Variants in SSBP2 observed in about 807,000 individuals in gnomAD.
SSBP2 encodes single-stranded DNA-binding protein 2.
A neutral mutation model predicts 61.8 loss-of-function variants in SSBP2; 17 were observed. That is an observed-to-expected ratio of 0.28 (90% CI 0.19 to 0.41). The LOEUF is 0.41. Ranked by LOEUF, SSBP2 falls within the 10% of genes least tolerant of loss-of-function variation. The pLI is 1.00. For synonymous variants in SSBP2, 139 were observed against 141.3 expected (o/e 0.98, Z 0.12); for missense variants, 310 against 458.7 (o/e 0.68, Z 2.96).
chr5:81,610,099 C>G (rs558037733), intron 4 of SSBP2, among the ~76,000 whole-genome samples: 1 of 152,142 alleles, frequency 6.6e-6, no homozygotes, highest in Non-Finnish European at 1.5e-5. Flanking sequence ...ATAACACAGT[C>G]GGGCTGGGGC....
chr5:81,562,500 A>C lies in SSBP2; in HGVS notation c.283-48783T>G, dbSNP rs564736852. Among the ~76,000 whole-genome samples, 3 of 152,296 alleles carry C rather than the reference A, an allele frequency of 2.0e-5. No individual in the cohort carries two copies. In the East Asian group the frequency reaches 5.8e-4, roughly 29 times the overall value. ...CAACCAAACAGAAATCAAAACAAAC[A>C]AACCATAAGAACAATCGATACAATG... On this transcript the variant is annotated intron_variant, in intron 4 of 16. Transcript: ENST00000320672.
intron 16 of SSBP2, among the ~76,000 whole-genome samples, chr5:81,422,409 A>T (rs925648568): frequency 2.6e-5 from 4 of 152,180 alleles, no homozygotes; most frequent in African/African-American, 9.6e-5. Context: ...TTAGGGCTCA[A>T]ACCAAAAACA....
chr5:81,658,527 T>C (rs1473740754), intron 1 of SSBP2, among the ~76,000 whole-genome samples: 1 of 152,188 alleles, frequency 6.6e-6, no homozygotes, highest in Non-Finnish European at 1.5e-5. Context: ...ACAATGTAAA[T>C]GCTATACAGT....
rs1761422313 is a variant in SSBP2, at chr5:81,418,618, A to G, written c.*1886T>C. ...ATAGAGTGTACTTACACAAACCTAG[A>G]TGGTATAGGCTCCTACACACCTAGG... On this transcript the variant is annotated 3_prime_UTR_variant, in exon 17 of 17. Coordinates refer to ENST00000320672, the MANE Select transcript of SSBP2 (RefSeq NM_012446.5). The G allele has an allele frequency of 6.6e-6, 1 of 152,168 alleles. No homozygotes were observed. Among genetic ancestry groups the G allele is most frequent in the Non-Finnish European group, 1.5e-5 (1 of 68,020 alleles). The allele number at this position is 152,168 out of a possible 1,614,324, so 9.4% of individuals were successfully genotyped here. A position where few individuals can be genotyped will look rare whatever the true frequency, so the allele number is the denominator to read the frequency against.
intron 6 of SSBP2, among the ~76,000 whole-genome samples, chr5:81,485,432 G>A (rs1453979049): frequency 1.3e-5 from 2 of 152,022 alleles, no homozygotes; most frequent in South Asian, 2.1e-4. Context: ...CCATAAAAAT[G>A]GTTTCAGGGG....
chr5:81,695,822 T>C (rs1218878893), intron 1 of SSBP2, among the ~76,000 whole-genome samples: 1 of 152,116 alleles, frequency 6.6e-6, no homozygotes, highest in Non-Finnish European at 1.5e-5. Context: ...CTTCTCTCTT[T>C]AAGGAATTTT....
intron 1 of SSBP2, among the ~76,000 whole-genome samples, chr5:81,684,613 T>G (rs1244452646): frequency 6.6e-6 from 1 of 152,076 alleles, no homozygotes; most frequent in Non-Finnish European, 1.5e-5. Context: ...CCCTACTGGG[T>G]TTTATACATG....
intron 4 of SSBP2, among the ~76,000 whole-genome samples, chr5:81,585,207 C>A (rs1196919605): frequency 6.6e-6 from 1 of 151,998 alleles, no homozygotes; most frequent in Non-Finnish European, 1.5e-5. Flanking sequence ...CATACTCAAT[C>A]CTCCCTTAGT....
intron 4 of SSBP2, among the ~76,000 whole-genome samples, chr5:81,612,216 A>G (rs1745521650): frequency 6.6e-6 from 1 of 152,156 alleles, no homozygotes; most frequent in Admixed American, 6.5e-5. Flanking sequence ...AATTACAACT[A>G]TTCAGTTTAT....
At chr5:81,653,215 G>C (rs1749907296) in intron 1 of SSBP2, among the ~76,000 whole-genome samples, 2 of 152,022 alleles carry the variant, frequency 1.3e-5, no homozygotes, top group African/African-American at 2.4e-5. Flanking sequence ...TTCTGTTCCT[G>C]TGTTAGTTTG....
Position 81,513,657 on chromosome 5 carries a change from C to T in SSBP2, c.343G>A (p.Val115Ile), listed in dbSNP as rs767776778. 4 of 1,612,832 alleles carry T rather than the reference C, an allele frequency of 2.5e-6. No individual in the cohort carries two copies. Among genetic ancestry groups the T allele is most frequent in the Non-Finnish European group, 2.5e-6 (3 of 1,178,978 alleles). ...AAGAACCCTGGTGGTACAGGACCTA[C>T]TGGCATGCCATCTCCTGGGGGAATG... Residue 115 changes from valine to isoleucine, a missense_variant, in exon 5 of 17, where the codon GTA (valine) becomes ATA (isoleucine). Coordinates refer to ENST00000320672, the MANE Select transcript of SSBP2 (RefSeq NM_012446.5).
intron 1 of SSBP2, among the ~76,000 whole-genome samples, chr5:81,723,831 G>A (rs1755702080): frequency 6.6e-6 from 1 of 152,004 alleles, no homozygotes; most frequent in Non-Finnish European, 1.5e-5. Context: ...TTATAGACTA[G>A]TGTTTGTCCT....
At chr5:81,559,311 C>T (rs1270543189) in intron 4 of SSBP2, among the ~76,000 whole-genome samples, 4 of 150,036 alleles carry the variant, frequency 2.7e-5, no homozygotes, top group African/African-American at 7.4e-5. Flanking sequence ...TGCTGGAACC[C>T]GGGAAGCGGA....
chr5:81,477,531 C>A (rs1054201933), intron 6 of SSBP2, among the ~76,000 whole-genome samples: 2 of 152,100 alleles, frequency 1.3e-5, no homozygotes, highest in African/African-American at 4.8e-5. Context: ...TTTATTCAAT[C>A]AGTGTATTTA....
chr5:81,610,452 T>C (rs1442882780), intron 4 of SSBP2, among the ~76,000 whole-genome samples: 1 of 152,196 alleles, frequency 6.6e-6, no homozygotes, highest in Non-Finnish European at 1.5e-5. Context: ...CTTGAAAATA[T>C]CTGTACCTTC....
At chr5:81,539,901 C>G (rs377057253) in intron 4 of SSBP2, among the ~76,000 whole-genome samples, 2 of 152,254 alleles carry the variant, frequency 1.3e-5, no homozygotes, top group South Asian at 4.1e-4. Flanking sequence ...CTTAGCCCCC[C>G]ACCCCGACAG....
chr5:81,724,641 C>G (rs1193231166), intron 1 of SSBP2, among the ~76,000 whole-genome samples: 1 of 151,904 alleles, frequency 6.6e-6, no homozygotes, highest in African/African-American at 2.4e-5. Flanking sequence ...AAGGTAAACT[C>G]CTAAGAAATT....
intron 4 of SSBP2, among the ~76,000 whole-genome samples, chr5:81,525,444 C>T (rs1332139729): frequency 7.2e-5 from 11 of 151,852 alleles, no homozygotes; most frequent in Admixed American, 3.3e-4. Context: ...TTTGATTTTC[C>T]GTTCCTGCAT....
At chr5:81,579,169 G>T (rs995800571) in intron 4 of SSBP2, among the ~76,000 whole-genome samples, 1 of 152,114 alleles carries the variant, frequency 6.6e-6, no homozygotes, top group African/African-American at 2.4e-5. Context: ...AGTCATAGAA[G>T]AATAAAAGGA....
Sources: gnomAD v4.1 joint callset for allele counts (sites outside exome capture counted in the v4.1 genomes callset) on GRCh38, gnomAD v4.1.1 for gene constraint, MANE v1.5 for transcripts, NCBI Gene and HGNC (gene_info 2026-07-23, HGNC 2026-07-21) for gene names.